The following SORCS2 variants were observed in gnomAD, a reference collection of about 807,000 sequenced individuals.
The protein encoded by SORCS2 is VPS10 domain-containing receptor SorCS2.
Under a neutral mutation model 141.6 loss-of-function variants are expected in SORCS2, and 100 were observed. That is an observed-to-expected ratio of 0.71 (90% CI 0.60 to 0.83). The LOEUF (loss-of-function observed/expected upper bound fraction) is 0.83, where lower values mean the gene tolerates loss of function less well. SORCS2 is among the 40% of genes least tolerant of loss of function. The probability of loss-of-function intolerance (pLI) is 0.00; values close to 1 mark genes in which losing one functional copy is unlikely to be tolerated. For synonymous variants in SORCS2, 789 were observed against 676.9 expected (o/e 1.17, Z -2.57); for missense variants, 1,646 against 1,560.2 (o/e 1.05, Z -0.93).
At chr4:7,242,905 G>A (rs987510557) in intron 1 of SORCS2, among the ~76,000 whole-genome samples, 12 of 152,190 alleles carry the variant, frequency 7.9e-5, no homozygotes, top group African/African-American at 2.7e-4. Flanking sequence ...CTTGGCCCAG[G>A]GCTCAGCACC....
intron 1 of SORCS2, among the ~76,000 whole-genome samples, chr4:7,272,238 A>G (rs1353183165): frequency 6.6e-6 from 1 of 152,250 alleles, no homozygotes; most frequent in Non-Finnish European, 1.5e-5. Flanking sequence ...AGGTAGCATC[A>G]CAACAATAAA....
intron 2 of SORCS2, among the ~76,000 whole-genome samples, chr4:7,446,188 AGG>A (rs1727984908): frequency 7.0e-6 from 1 of 141,954 alleles, no homozygotes; most frequent in Non-Finnish European, 1.5e-5. Context: ...AGGGGAGGGG[AGG>A]GGAGGGAAGA....
intron 2 of SORCS2, among the ~76,000 whole-genome samples, chr4:7,453,773 G>T (rs1728663210): frequency 8.0e-6 from 1 of 124,294 alleles, no homozygotes; most frequent in Admixed American, 8.0e-5. Context: ...TTGGGGTCAG[G>T]TGCTGTGTGT....
At chr4:7,554,833 G>T (rs1199274307) in intron 3 of SORCS2, among the ~76,000 whole-genome samples, 1 of 152,148 alleles carries the variant, frequency 6.6e-6, no homozygotes, top group African/African-American at 2.4e-5. Flanking sequence ...ACAGGACCCC[G>T]TGAGAAACAT....
intron 3 of SORCS2, among the ~76,000 whole-genome samples, chr4:7,575,430 C>G (rs1303061946): frequency 6.6e-6 from 1 of 152,100 alleles, no homozygotes; most frequent in Non-Finnish European, 1.5e-5. Context: ...TATAATTTAG[C>G]TGCATCTATA....
intron 1 of SORCS2, among the ~76,000 whole-genome samples, chr4:7,204,020 T>TGGAC: frequency 6.6e-6 from 1 of 152,336 alleles, no homozygotes; most frequent in South Asian, 2.1e-4. Flanking sequence ...CTGAGTAATA[T>TGGAC]TCCACTGTAT....
At chr4:7,388,158 C>T (rs1489240718) in intron 1 of SORCS2, among the ~76,000 whole-genome samples, 2 of 151,766 alleles carry the variant, frequency 1.3e-5, no homozygotes, top group Non-Finnish European at 2.9e-5. Flanking sequence ...ACAGATGCCC[C>T]CACACCTGAA....
At chr4:7,523,230 C>A (rs563631252) in intron 2 of SORCS2, among the ~76,000 whole-genome samples, 1 of 152,070 alleles carries the variant, frequency 6.6e-6, no homozygotes, top group South Asian at 2.1e-4. Flanking sequence ...CCACTAGGAC[C>A]GCTAAGGAAG....
chr4:7,669,582 G>A (rs964089169), intron 8 of SORCS2, among the ~76,000 whole-genome samples: 17 of 152,160 alleles, frequency 1.1e-4, no homozygotes, highest in Admixed American at 6.5e-5. Flanking sequence ...GTTGTTTTAT[G>A]GTGAATTTGT....
chr4:7,434,860 A>G (rs1727186876), intron 2 of SORCS2: 1 of 1,578,264 alleles, frequency 6.3e-7, no homozygotes, highest in African/African-American at 1.4e-5. Flanking sequence ...GCTGGGCAGG[A>G]GGAGCAGGGC....
chr4:7,439,064 A>G (rs1470009794), intron 2 of SORCS2, among the ~76,000 whole-genome samples: 1 of 152,118 alleles, frequency 6.6e-6, no homozygotes, highest in Non-Finnish European at 1.5e-5. Flanking sequence ...TTAGAAACCA[A>G]GATCTGGATA....
At chr4:7,666,728 G>A (rs1247294700) in intron 7 of SORCS2, among the ~76,000 whole-genome samples, 1 of 152,150 alleles carries the variant, frequency 6.6e-6, no homozygotes, top group Non-Finnish European at 1.5e-5. Flanking sequence ...TGAGCTGCCT[G>A]GGAAAAGCAC....
intron 17 of SORCS2, among the ~76,000 whole-genome samples, chr4:7,717,798 T>C (rs1023757794): frequency 7.2e-5 from 11 of 152,222 alleles, no homozygotes; most frequent in Admixed American, 5.9e-4. Context: ...CCATCAGTCC[T>C]TCTTCCTCTG....
intron 14 of SORCS2, among the ~76,000 whole-genome samples, chr4:7,711,395 C>G (rs1577104550): frequency 6.6e-6 from 1 of 152,190 alleles, no homozygotes; most frequent in African/African-American, 2.4e-5. Flanking sequence ...ATGGGCCACC[C>G]CAAGTATCCA....
chr4:7,712,886 G>C, intron 15 of SORCS2, 33 bp downstream of exon 15: 1 of 1,611,188 alleles, frequency 6.2e-7, no homozygotes. Context: ...TCGGGCAGGT[G>C]GGGTACAGAC....
chr4:7,411,622 A>G (rs1725314199), intron 2 of SORCS2, among the ~76,000 whole-genome samples: 1 of 151,870 alleles, frequency 6.6e-6, no homozygotes, highest in Non-Finnish European at 1.5e-5. Context: ...CCACCCCTCC[A>G]TCCACCTACC....
intron 1 of SORCS2, among the ~76,000 whole-genome samples, chr4:7,230,590 CAA>C (rs1711789252): frequency 6.9e-6 from 1 of 144,302 alleles, no homozygotes; most frequent in African/African-American, 2.6e-5. Flanking sequence ...TGAAGATGGT[CAA>C]GTCTTTGAGT....
At chr4:7,368,700 G>A (rs1182951802) in intron 1 of SORCS2, among the ~76,000 whole-genome samples, 1 of 152,228 alleles carries the variant, frequency 6.6e-6, no homozygotes, top group African/African-American at 2.4e-5. Flanking sequence ...GCAGTTTTAA[G>A]TTTGAAGTTG....
intron 1 of SORCS2, among the ~76,000 whole-genome samples, chr4:7,333,880 G>C (rs2108972558): frequency 6.6e-6 from 1 of 152,326 alleles, no homozygotes; most frequent in Admixed American, 6.5e-5. Context: ...AACTCACAGT[G>C]GGAGCTGGCT....
Sources: allele counts gnomAD v4.1 joint callset (sites outside exome capture counted in the v4.1 genomes callset), GRCh38; gene constraint gnomAD v4.1.1; transcripts MANE v1.5; gene names NCBI Gene and HGNC (gene_info 2026-07-23, HGNC 2026-07-21).